Variants in MAGI2 observed in about 807,000 individuals in gnomAD.
The protein encoded by MAGI2 is membrane-associated guanylate kinase, WW and PDZ domain-containing protein 2.
MAGI2 carries 35 observed loss-of-function variants against 133.3 expected under a neutral mutation model. That is an observed-to-expected ratio of 0.26 (90% confidence interval 0.20 to 0.35). The LOEUF (loss-of-function observed/expected upper bound fraction) is 0.35, where lower values mean the gene tolerates loss of function less well. Among genes scored for constraint, MAGI2 ranks in the 10% least tolerant of loss-of-function variants. The pLI is 1.00. For missense variants in MAGI2, 1,636 were observed against 1,863.4 expected, an observed-to-expected ratio of 0.88 and a Z score of 2.25; for synonymous variants, 729 against 710.6, an observed-to-expected ratio of 1.03 and a Z score of -0.41.
chr7:78,367,285 G>T (rs1047607376), intron 7 of MAGI2, among the ~76,000 whole-genome samples: 2 of 152,148 alleles, frequency 1.3e-5, no homozygotes, highest in Admixed American at 1.3e-4. Flanking sequence ...TCTGACACAG[G>T]GGTGTCTTGC....
chr7:78,453,886 C>A (rs770381339), intron 6 of MAGI2, among the ~76,000 whole-genome samples: 27 of 152,002 alleles, frequency 1.8e-4, no homozygotes, highest in Non-Finnish European at 3.4e-4. Flanking sequence ...CTCTTTTACA[C>A]AACATTTTTT....
chr7:78,478,060 C>T (rs1791964439), intron 6 of MAGI2, among the ~76,000 whole-genome samples: 2 of 151,868 alleles, frequency 1.3e-5, no homozygotes, highest in Admixed American at 6.6e-5. Context: ...TCTCCTAATG[C>T]TATCCCTCTC....
At chr7:79,268,912 A>G (rs191097962) in intron 1 of MAGI2, among the ~76,000 whole-genome samples, 60 of 152,324 alleles carry the variant, frequency 3.9e-4, no homozygotes, top group Non-Finnish European at 5.3e-4. Context: ...ATTAGCTCCC[A>G]GAGAGTTTCA....
At chr7:78,359,704 C>G (rs1189390993) in intron 7 of MAGI2, among the ~76,000 whole-genome samples, 4 of 151,948 alleles carry the variant, frequency 2.6e-5, no homozygotes, top group Non-Finnish European at 5.9e-5. Flanking sequence ...ACTGTCCAAC[C>G]AAACAAAAAG....
At chr7:78,977,494 AG>A (rs1804385288) in intron 2 of MAGI2, among the ~76,000 whole-genome samples, 1 of 29,412 alleles carries the variant, frequency 3.4e-5, no homozygotes, top group Non-Finnish European at 1.0e-4. Context: ...AAAGAAAGAA[AG>A]AAAGAAAGAA....
intron 6 of MAGI2, among the ~76,000 whole-genome samples, chr7:78,454,598 C>A (rs1789103540): frequency 6.6e-6 from 1 of 152,156 alleles, no homozygotes; most frequent in Non-Finnish European, 1.5e-5. Context: ...AAACTTATGT[C>A]CACACAAAAA....
At chr7:78,045,121 C>T (rs981617580) in intron 21 of MAGI2, among the ~76,000 whole-genome samples, 6 of 152,038 alleles carry the variant, frequency 3.9e-5, no homozygotes, top group Non-Finnish European at 7.4e-5. Context: ...GAGCCGAGAT[C>T]GCACCACTGA....
chr7:78,922,822 G>C (rs1423183108), intron 2 of MAGI2, among the ~76,000 whole-genome samples: 1 of 150,482 alleles, frequency 6.6e-6, no homozygotes, highest in Middle Eastern at 3.4e-3. Context: ...GTGTAAAAGT[G>C]TTCCTATTTC....
rs73370669 is a variant in MAGI2 at position 78,354,793 on chromosome 7, G to A, written c.1104-8750C>T. Among the ~76,000 whole-genome samples, 1,114 of 152,250 alleles carry A rather than the reference G, an allele frequency of 7.3e-3. 13 individuals are homozygous for A. The highest frequency in any genetic ancestry group is 0.025 in the African/African-American group (1,046 of 41,548). Reference sequence around the variant, plus strand: ...ATTAAGAAAAAAATACTTTTGACGAGTTTTAGGGAGAAAAGGATATATTGC... The same window carrying A: ...ATTAAGAAAAAAATACTTTTGACGAATTTTAGGGAGAAAAGGATATATTGC... On this transcript the variant is annotated intron_variant, in intron 7 of 21. Coordinates refer to ENST00000354212, the MANE Select transcript of MAGI2 (RefSeq NM_012301.4).
intron 2 of MAGI2, among the ~76,000 whole-genome samples, chr7:78,920,364 A>T (rs1203788879): frequency 6.6e-6 from 1 of 152,188 alleles, no homozygotes; most frequent in Non-Finnish European, 1.5e-5. Flanking sequence ...TTTCTTGAAC[A>T]TGGTGAGTAC....
At chr7:79,332,043 G>T (rs1244159602) in intron 1 of MAGI2, among the ~76,000 whole-genome samples, 2 of 152,054 alleles carry the variant, frequency 1.3e-5, no homozygotes, top group East Asian at 3.9e-4. Flanking sequence ...TGTGACAGGG[G>T]CTGCATTAAA....
At chr7:79,071,596 A>C (rs1168391667) in intron 1 of MAGI2, among the ~76,000 whole-genome samples, 1 of 149,714 alleles carries the variant, frequency 6.7e-6, no homozygotes, top group East Asian at 2.0e-4. Flanking sequence ...TGGGGGTTTT[A>C]TCTATAAGTC....
chr7:78,123,426 A>G (rs1820660361), intron 20 of MAGI2, among the ~76,000 whole-genome samples: 1 of 152,232 alleles, frequency 6.6e-6, no homozygotes, highest in African/African-American at 2.4e-5. Flanking sequence ...AATTAGACAC[A>G]GCAAGGGATC....
At chr7:78,075,577 C>T (rs1036771672) in intron 21 of MAGI2, among the ~76,000 whole-genome samples, 3 of 151,758 alleles carry the variant, frequency 2.0e-5, no homozygotes, top group Non-Finnish European at 2.9e-5. Flanking sequence ...GGGGTTTCAC[C>T]GTGTTAGCCA....
intron 6 of MAGI2, among the ~76,000 whole-genome samples, chr7:78,454,908 G>C (rs1372963159): frequency 6.6e-6 from 1 of 152,140 alleles, no homozygotes; most frequent in Non-Finnish European, 1.5e-5. Context: ...GGGTTGGAAA[G>C]GGAGAAGGGA....
intron 1 of MAGI2, among the ~76,000 whole-genome samples, chr7:79,149,514 G>T (rs538837585): frequency 8.5e-5 from 13 of 152,196 alleles, no homozygotes; most frequent in African/African-American, 2.9e-4. Context: ...ACCTGAGAAG[G>T]TTTCACCGGA....
chr7:78,959,916 C>A (rs1802704929), intron 2 of MAGI2, among the ~76,000 whole-genome samples: 1 of 152,102 alleles, frequency 6.6e-6, no homozygotes, highest in South Asian at 2.1e-4. Context: ...TGTAAACATA[C>A]ATGTAATTAA....
intron 1 of MAGI2, among the ~76,000 whole-genome samples, chr7:79,328,258 T>C (rs1839836755): frequency 6.6e-6 from 1 of 152,182 alleles, no homozygotes. Flanking sequence ...TTAGTTTCCA[T>C]GATTGAATTT....
intron 1 of MAGI2, among the ~76,000 whole-genome samples, chr7:79,298,896 A>C (rs1837158012): frequency 6.6e-6 from 1 of 152,170 alleles, no homozygotes; most frequent in Non-Finnish European, 1.5e-5. Flanking sequence ...CCAAGAAGAG[A>C]AGCCTCAGAA....
Sources: allele counts gnomAD v4.1 joint callset (sites outside exome capture counted in the v4.1 genomes callset), GRCh38; gene constraint gnomAD v4.1.1; transcripts MANE v1.5; gene names NCBI Gene and HGNC (gene_info 2026-07-23, HGNC 2026-07-21).